ZNF676: variants seen among roughly 807,000 people sequenced by gnomAD.
The protein encoded by ZNF676 is zinc finger protein 676.
In ZNF676, 4 loss-of-function variants were observed where a neutral mutation model predicts 6.0. The observed-to-expected ratio is 0.67, with a 90% CI of 0.33 to 1.53. The LOEUF (loss-of-function observed/expected upper bound fraction) is 1.53. ZNF676 is among the 40% of genes most tolerant of loss of function. The pLI is 0.06. For missense variants in ZNF676, 644 were observed against 679.7 expected, an observed-to-expected ratio of 0.95 and a Z score of 0.58; for synonymous variants, 198 against 223.1, an observed-to-expected ratio of 0.89 and a Z score of 1.00.
the ZNF676 span, among the ~76,000 whole-genome samples, chr19:22,248,694 T>A: frequency 6.6e-6 from 1 of 152,240 alleles, no homozygotes; most frequent in African/African-American, 2.4e-5. Flanking sequence ...ATCTTTTCTG[T>A]TATTTAGTGC....
chr19:22,253,717 T>C, the ZNF676 span, among the ~76,000 whole-genome samples: 1 of 151,836 alleles, frequency 6.6e-6, no homozygotes. Flanking sequence ...ACGGTCACAA[T>C]CCAAACTGTG....
chr19:22,180,252 A>G lies in ZNF676; in HGVS notation c.1465T>C (p.Phe489Leu), dbSNP rs769654163. The G allele has an allele frequency of 4.3e-6, 7 of 1,613,468 alleles. No individual in the cohort carries two copies. In the Admixed American group the frequency reaches 1.0e-4, roughly 23 times the overall value. Reference protein sequence around the residue: ...CEECGKGFSTFSILTKHKIIH... With the variant: ...CEECGKGFSTLSILTKHKIIH... The stretch of plus-strand genomic sequence containing the variant: ...ATCTTATGTTTAGTAAGGATTGAGA[A>G]CGTACTAAAGCCTTTGCCACATTCT... Residue 489 changes from phenylalanine (F) to leucine (L), a missense_variant, in exon 3 of 3, where the codon TTC (phenylalanine) becomes CTC (leucine). By Grantham distance (22) the Phe-to-Leu change is conservative. This residue lies in a region of ZNF676 where 306 missense variants were observed against 265.4 expected (regional missense o/e 1.15). Coordinates refer to ENST00000397121, the MANE Select transcript of ZNF676 (RefSeq NM_001001411.3).
At chr19:22,216,259 AC>A (rs1568537926), upstream of ZNF676, among the ~76,000 whole-genome samples, 1 of 152,110 alleles carries the variant, frequency 6.6e-6, no homozygotes, top group South Asian at 2.1e-4. Flanking sequence ...ACATGGTGAA[AC>A]CCCTTCTCTA....
chr19:22,198,046 A>AT (rs958403951), upstream of ZNF676, among the ~76,000 whole-genome samples: 137 of 152,052 alleles, frequency 9.0e-4, 2 homozygotes, highest in Middle Eastern at 0.014. Flanking sequence ...TCTCCTAACA[A>AT]TTTTTTTTAG....
intron 2 of ZNF676, among the ~76,000 whole-genome samples, chr19:22,189,767 A>T (rs2023880119): frequency 6.6e-6 from 1 of 152,190 alleles, no homozygotes; most frequent in African/African-American, 2.4e-5. Flanking sequence ...AGACACATGA[A>T]AAAAAGCACA....
chr19:22,208,674 G>C (rs189420302), intron 1 of ZNF676, among the ~76,000 whole-genome samples: 5 of 152,328 alleles, frequency 3.3e-5, no homozygotes, highest in African/African-American at 9.6e-5. Context: ...GGTTGGGCAT[G>C]ATGGCACATG....
chr19:22,234,018 C>T, the ZNF676 span, among the ~76,000 whole-genome samples: 1 of 152,210 alleles, frequency 6.6e-6, no homozygotes, highest in East Asian at 1.9e-4. Flanking sequence ...CCTGGCAATC[C>T]AGTCAAACCA....
chr19:22,228,349 C>T, the ZNF676 span, among the ~76,000 whole-genome samples: 1 of 152,170 alleles, frequency 6.6e-6, no homozygotes, highest in Non-Finnish European at 1.5e-5. Context: ...ATTGATGGAA[C>T]ATATCTCAAA....
the ZNF676 span, among the ~76,000 whole-genome samples, chr19:22,249,934 A>T: frequency 6.6e-6 from 1 of 152,008 alleles, no homozygotes; most frequent in Non-Finnish European, 1.5e-5. Context: ...CTGTAATCCC[A>T]GCACTTCAGG....
intron 2 of ZNF676, among the ~76,000 whole-genome samples, chr19:22,187,869 C>A (rs1442320691): frequency 2.0e-5 from 3 of 152,036 alleles, no homozygotes; most frequent in Non-Finnish European, 2.9e-5. Flanking sequence ...GAAATTGAGG[C>A]GGTACTTATG....
the ZNF676 span, among the ~76,000 whole-genome samples, chr19:22,231,103 G>A: frequency 3.6e-4 from 55 of 152,036 alleles, 2 homozygotes; most frequent in Non-Finnish European, 5.1e-4. Context: ...AAAATTTTGA[G>A]AGTAAAATCT....
chr19:22,209,935 G>A (rs1002584766), intron 1 of ZNF676, among the ~76,000 whole-genome samples: 47 of 152,166 alleles, frequency 3.1e-4, no homozygotes, highest in African/African-American at 1.1e-3. Flanking sequence ...TCCTGAGGGT[G>A]GTGCCTTGTC....
the ZNF676 span, among the ~76,000 whole-genome samples, chr19:22,235,090 C>A: frequency 7.2e-6 from 1 of 138,668 alleles, no homozygotes; most frequent in African/African-American, 2.9e-5. Context: ...GGCAGGAAGG[C>A]AGGAAGAAGG....
At chr19:22,254,788 T>C in the ZNF676 span, among the ~76,000 whole-genome samples, 2 of 152,280 alleles carry the variant, frequency 1.3e-5, no homozygotes, top group Middle Eastern at 3.4e-3. Flanking sequence ...TCACTTCCCC[T>C]GGGTTCTAGG....
chr19:22,219,746 C>T (rs2024229114), upstream of ZNF676, among the ~76,000 whole-genome samples: 1 of 152,040 alleles, frequency 6.6e-6, no homozygotes, highest in African/African-American at 2.4e-5. Flanking sequence ...ATCTCCACCT[C>T]CCAGACTCAA....
At chr19:22,244,837 G>T in the ZNF676 span, 2 of 152,200 alleles carry the variant, frequency 1.3e-5, no homozygotes, top group African/African-American at 2.4e-5. Context: ...GTAGGTGTTC[G>T]GTCCAGCTAC....
upstream of ZNF676, among the ~76,000 whole-genome samples, chr19:22,216,301 G>C (rs905278292): frequency 1.3e-5 from 2 of 151,958 alleles, no homozygotes; most frequent in African/African-American, 4.8e-5. Flanking sequence ...CAGGTGTGGT[G>C]GTGGGCGCCT....
At chr19:22,250,865 C>T in the ZNF676 span, among the ~76,000 whole-genome samples, 3 of 152,124 alleles carry the variant, frequency 2.0e-5, no homozygotes, top group Admixed American at 6.6e-5. Context: ...GTGCATGCCA[C>T]GACACCCAGC....
chr19:22,216,004 G>C (rs187278022), upstream of ZNF676, among the ~76,000 whole-genome samples: 42 of 152,226 alleles, frequency 2.8e-4, no homozygotes, highest in East Asian at 7.9e-3. Context: ...CCAGAGCATG[G>C]GAAAATTCTA....
Sources: gnomAD v4.1 joint callset for allele counts (sites outside exome capture counted in the v4.1 genomes callset) on GRCh38, gnomAD v4.1.1 for gene constraint, gnomAD v4.1.1 regional missense constraint, MANE v1.5 for transcripts, NCBI Gene and HGNC (gene_info 2026-07-23, HGNC 2026-07-21) for gene names.